BBS9: variants seen among roughly 807,000 people sequenced by gnomAD.
BBS9 encodes the protein Bardet-Biedl syndrome 9, also known as protein PTHB1.
A neutral mutation model predicts 117.7 loss-of-function variants in BBS9; 89 were observed. The ratio of observed to expected loss-of-function variants is 0.76; its 90% confidence interval spans 0.64 to 0.90. BBS9 has a LOEUF of 0.90. Among genes scored for constraint, BBS9 ranks in the 40% least tolerant of loss-of-function variants. The pLI is 0.00. For missense variants in BBS9, 982 were observed against 1,042.2 expected (o/e 0.94, Z 0.80); for synonymous variants, 379 against 370.9 (o/e 1.02, Z -0.25).
chr7:33,324,886 C>A (rs1040602487), intron 9 of BBS9, among the ~76,000 whole-genome samples: 2 of 152,130 alleles, frequency 1.3e-5, no homozygotes, highest in Non-Finnish European at 2.9e-5. Context: ...TTTCTTTTCT[C>A]TTCCTGCTTT....
At chr7:33,240,168 T>C (rs1794236408) in intron 5 of BBS9, among the ~76,000 whole-genome samples, 1 of 152,194 alleles carries the variant, frequency 6.6e-6, no homozygotes, top group African/African-American at 2.4e-5. Context: ...CTTATTTGTC[T>C]GTAGTTTATC....
chr7:33,204,015 G>A (rs112100010), intron 5 of BBS9, among the ~76,000 whole-genome samples: 7 of 147,306 alleles, frequency 4.8e-5, no homozygotes, highest in Admixed American at 1.4e-4. Flanking sequence ...GAGCCACCAC[G>A]CCCGGCCAGA....
intron 21 of BBS9, among the ~76,000 whole-genome samples, chr7:33,632,566 G>A (rs1235421519): frequency 6.6e-6 from 1 of 152,112 alleles, no homozygotes; most frequent in Non-Finnish European, 1.5e-5. Flanking sequence ...CCTCCCTCTG[G>A]GTTCGCCGGA....
chr7:33,292,994 A>G (rs1427182520), intron 9 of BBS9, among the ~76,000 whole-genome samples: 1 of 148,410 alleles, frequency 6.7e-6, no homozygotes, highest in Non-Finnish European at 1.5e-5. Flanking sequence ...CAACAGAGTG[A>G]GACTCCGTCT....
intron 19 of BBS9, among the ~76,000 whole-genome samples, chr7:33,493,273 T>C (rs186985636): frequency 6.6e-6 from 1 of 152,264 alleles, no homozygotes; most frequent in Non-Finnish European, 1.5e-5. Context: ...GGATTCCAGC[T>C]GTGAACCACC....
At chr7:33,470,070 G>A (rs1446003747) in intron 19 of BBS9, among the ~76,000 whole-genome samples, 1 of 152,132 alleles carries the variant, frequency 6.6e-6, no homozygotes, top group Non-Finnish European at 1.5e-5. Flanking sequence ...AGCTCTTCGA[G>A]GGTAGAGGCC....
rs1186179711 is a variant in BBS9, at chr7:33,351,299, G to A, written c.1513G>A (p.Val505Ile). 1 of 1,611,718 alleles carries A rather than the reference G, an allele frequency of 6.2e-7. No individual in the cohort carries two copies. The highest frequency in any genetic ancestry group is 1.3e-5 in the African/African-American group (1 of 74,868). The change falls in exon 14 of 23, where the codon GTT becomes ATT. Residue 505 changes from valine to isoleucine, a missense_variant. Coordinates refer to ENST00000242067, the MANE Select transcript of BBS9 (RefSeq NM_198428.3). ...ACCATCAGAATTGGAAGGAAATGCT[G>A]TTGTTTCTTATTCCAGACCAACAGG... ...YTPSELEGNA[V>I]VSYSRPTDRN...
intron 21 of BBS9, among the ~76,000 whole-genome samples, chr7:33,625,034 T>C (rs980066598): frequency 1.3e-5 from 2 of 152,346 alleles, no homozygotes; most frequent in East Asian, 1.9e-4. Flanking sequence ...ACCAATGATG[T>C]ACCTGTTTAT....
At chr7:33,442,812 C>G (rs1323463329) in intron 19 of BBS9, among the ~76,000 whole-genome samples, 1 of 152,010 alleles carries the variant, frequency 6.6e-6, no homozygotes, top group Non-Finnish European at 1.5e-5. Context: ...TTAGTTAACC[C>G]AGGTCTGCTT....
At chr7:33,233,172 ATTGT>A (rs766209306) in intron 5 of BBS9, among the ~76,000 whole-genome samples, 1 of 152,044 alleles carries the variant, frequency 6.6e-6, no homozygotes, top group Non-Finnish European at 1.5e-5. Context: ...CTTGGCACCC[ATTGT>A]TTGGGTGGCT....
chr7:33,273,273 C>T (rs1305935414), intron 8 of BBS9, 78 bp downstream of exon 8: 2 of 1,384,746 alleles, frequency 1.4e-6, no homozygotes, highest in Middle Eastern at 2.0e-4. Context: ...CACACTCATA[C>T]ACATATTGTA....
intron 2 of BBS9, among the ~76,000 whole-genome samples, chr7:33,151,672 C>T (rs1461094130): frequency 3.3e-5 from 5 of 151,926 alleles, no homozygotes; most frequent in Non-Finnish European, 7.4e-5. Context: ...GCCTCAGCCT[C>T]CTGGGTAGCT....
intron 5 of BBS9, among the ~76,000 whole-genome samples, chr7:33,226,744 A>G (rs1168803989): frequency 2.0e-5 from 3 of 152,244 alleles, no homozygotes; most frequent in Non-Finnish European, 4.4e-5. Flanking sequence ...CATAACATGG[A>G]TGAACCTTGG....
chr7:33,543,639 C>G (rs1190102461), intron 21 of BBS9, among the ~76,000 whole-genome samples: 1 of 152,114 alleles, frequency 6.6e-6, no homozygotes, highest in African/African-American at 2.4e-5. Flanking sequence ...AGATTCTTTC[C>G]TTTGTCTTAA....
At chr7:33,255,642 C>T (rs1263937799) in intron 5 of BBS9, among the ~76,000 whole-genome samples, 1 of 152,046 alleles carries the variant, frequency 6.6e-6, no homozygotes, top group Non-Finnish European at 1.5e-5. Flanking sequence ...ATTACAAAGA[C>T]CTTGCAGCAT....
At position 33,587,058 on chromosome 7, in the gene BBS9, A is replaced by G. The variant is rs144103897; in HGVS notation, c.2522-17807A>G. Among the ~76,000 whole-genome samples, 628 of 152,176 alleles carry G rather than the reference A, an allele frequency of 4.1e-3. 7 individuals carry two copies. Among genetic ancestry groups the G allele is most frequent in the African/African-American group, 0.014 (594 of 41,560 alleles). ...CGATTCTAAAATAAAAATTGGGAAC[A>G]AAAAAGGTGCAGATTTTTACCTACT... On this transcript the variant is annotated intron_variant, in intron 21 of 22. Transcript: ENST00000242067.
chr7:33,362,579 G>T (rs935289539), intron 16 of BBS9, among the ~76,000 whole-genome samples: 1 of 151,818 alleles, frequency 6.6e-6, no homozygotes, highest in East Asian at 1.9e-4. Context: ...CATTTATGTG[G>T]GTGTATTTCT....
intron 17 of BBS9, among the ~76,000 whole-genome samples, chr7:33,381,373 T>C (rs1417057277): frequency 6.6e-6 from 1 of 152,164 alleles, no homozygotes; most frequent in African/African-American, 2.4e-5. Flanking sequence ...GGGAGCTCCT[T>C]GAGGGCAGAA....
chr7:33,373,001 C>T (rs1376981868), intron 17 of BBS9, among the ~76,000 whole-genome samples: 1 of 151,954 alleles, frequency 6.6e-6, no homozygotes, highest in Non-Finnish European at 1.5e-5. Flanking sequence ...GTAATTTCTA[C>T]TTTTTCTTTT....
Sources: gnomAD v4.1 joint callset for allele counts (sites outside exome capture counted in the v4.1 genomes callset) on GRCh38, gnomAD v4.1.1 for gene constraint, MANE v1.5 for transcripts, NCBI Gene and HGNC (gene_info 2026-07-23, HGNC 2026-07-21) for gene names.